The following SCTR variants were observed in gnomAD, a reference collection of about 807,000 sequenced individuals.
SCTR encodes secretin receptor.
In SCTR, 56 loss-of-function variants were observed where a neutral mutation model predicts 60.8. That is an observed-to-expected ratio of 0.92 (90% CI 0.74 to 1.15). The LOEUF is 1.15. SCTR is among the 50% of genes most tolerant of loss of function. SCTR has a pLI of 0.00. For missense variants in SCTR, 562 were observed against 550.4 expected (o/e 1.02, Z -0.21); for synonymous variants, 202 against 217.0 (o/e 0.93, Z 0.61).
At chr2:119,454,691 TAAAA>T (rs1330382104) in intron 7 of SCTR, among the ~76,000 whole-genome samples, 1 of 151,842 alleles carries the variant, frequency 6.6e-6, no homozygotes, top group South Asian at 2.1e-4. Context: ...CTGTCTCTAT[TAAAA>T]AAACAAAAAC....
chr2:119,441,794 G>C, intron 11 of SCTR, 195 bp from the exon 12 acceptor site: 1 of 577,922 alleles, frequency 1.7e-6, no homozygotes, highest in East Asian at 3.0e-5. Context: ...GGCTCATCCA[G>C]CATAAACTGT....
intron 7 of SCTR, 116 bp from the exon 8 acceptor site, chr2:119,453,463 G>C: frequency 1.3e-6 from 1 of 783,960 alleles, no homozygotes; most frequent in Non-Finnish European, 2.2e-6. Context: ...GCCAAGATTT[G>C]GTTTCCACAG....
chr2:119,519,871 A>G (rs1247143048), intron 1 of SCTR, among the ~76,000 whole-genome samples: 6 of 151,816 alleles, frequency 4.0e-5, no homozygotes, highest in African/African-American at 1.4e-4. Flanking sequence ...AGAAAAAAAA[A>G]CAAAAAAGAA....
In SCTR at chr2:119,473,462, G is replaced by A. The variant is rs367960301; in HGVS notation, c.396C>T (p.Asn132=). ...AGGTTGACAGGCTTACCCGCTTCTC[G>A]TTGGAAGAGTCGTTCACATTAACGC... ...ACGVNVNDSS[N]EKRHSYLLKL... The change falls in exon 4 of 13, where the codon AAC becomes AAT. Residue 132 remains asparagine, a synonymous_variant. Transcript: ENST00000019103. 36 of 1,611,810 alleles carry A rather than the reference G, an allele frequency of 2.2e-5. No homozygotes were observed. The East Asian group carries it at 3.1e-4, about 14-fold the overall frequency.
chr2:119,506,161 T>C (rs955734440), intron 1 of SCTR, among the ~76,000 whole-genome samples: 1 of 152,178 alleles, frequency 6.6e-6, no homozygotes, highest in Non-Finnish European at 1.5e-5. Flanking sequence ...TGGGCATTTA[T>C]CCCAGAGGAA....
At chr2:119,517,278 A>T (rs775612265) in intron 1 of SCTR, among the ~76,000 whole-genome samples, 1 of 151,520 alleles carries the variant, frequency 6.6e-6, no homozygotes, top group Admixed American at 6.6e-5. Context: ...TCCCGCCTCA[A>T]CCTCCTGGGT....
chr2:119,464,232 T>C lies in SCTR; in HGVS notation c.527A>G (p.Tyr176Cys). ...GGACACGAACAGGTGCATGTGGATG[T>C]AGTTGCGAGTGCAGTGGAGCCTCCT... Reference protein sequence around the residue: ...AFRRLHCTRNYIHMHLFVSFI... With the variant: ...AFRRLHCTRNCIHMHLFVSFI... Residue 176 changes from tyrosine (Y) to cysteine (C), a missense_variant, in exon 6 of 13, where the codon TAC becomes TGC. By Grantham distance (194) the Tyr-to-Cys change is radical. Coordinates refer to ENST00000019103, the MANE Select transcript of SCTR (RefSeq NM_002980.3). The C allele has an allele frequency of 3.7e-6, 6 of 1,614,112 alleles. No individual in the cohort carries two copies. Among genetic ancestry groups the C allele is most frequent in the South Asian group, 1.1e-5 (1 of 91,076 alleles).
chr2:119,451,628 G>A (rs1026240498), intron 9 of SCTR, among the ~76,000 whole-genome samples: 1 of 152,070 alleles, frequency 6.6e-6, no homozygotes, highest in African/African-American at 2.4e-5. Context: ...TCAGCTTAGC[G>A]ACTCATCCCA....
intron 11 of SCTR, among the ~76,000 whole-genome samples, chr2:119,445,829 C>G (rs568885766): frequency 4.2e-4 from 64 of 152,324 alleles, no homozygotes; most frequent in African/African-American, 1.5e-3. Flanking sequence ...ACTTATGACC[C>G]ATCTCTCCCT....
chr2:119,500,307 G>C (rs761563349), intron 1 of SCTR, among the ~76,000 whole-genome samples: 1 of 152,184 alleles, frequency 6.6e-6, no homozygotes, highest in Non-Finnish European at 1.5e-5. Context: ...ATGGAAAACA[G>C]TATGGAGGTT....
At chr2:119,498,092 G>A (rs1372965253) in intron 1 of SCTR, among the ~76,000 whole-genome samples, 2 of 151,950 alleles carry the variant, frequency 1.3e-5, no homozygotes, top group Non-Finnish European at 2.9e-5. Context: ...CATTATTTTT[G>A]AAAACTAAAG....
chr2:119,483,894 C>T (rs1677745189), intron 2 of SCTR, among the ~76,000 whole-genome samples: 1 of 152,074 alleles, frequency 6.6e-6, no homozygotes. Flanking sequence ...CTTGCACGGT[C>T]CCCAGGCTTT....
chr2:119,512,395 C>G (rs188762538), intron 1 of SCTR, among the ~76,000 whole-genome samples: 2 of 90,894 alleles, frequency 2.2e-5, no homozygotes, highest in African/African-American at 9.7e-5. Context: ...TTCTCCTTCT[C>G]CTTCTTCTTC....
At chr2:119,513,167 C>T (rs903320126) in intron 1 of SCTR, among the ~76,000 whole-genome samples, 1 of 152,242 alleles carries the variant, frequency 6.6e-6, no homozygotes, top group Admixed American at 6.5e-5. Flanking sequence ...ACAGTTTCTC[C>T]TCTGCCTGCT....
intron 11 of SCTR, among the ~76,000 whole-genome samples, chr2:119,444,194 C>CACATGTATATAT (rs1682772392): frequency 2.1e-5 from 3 of 141,886 alleles, no homozygotes; most frequent in African/African-American, 8.2e-5. Context: ...TGAATATATA[C>CACATGTATATAT]ACATATGTAT....
At chr2:119,462,733 C>A (rs370813707) in intron 6 of SCTR, among the ~76,000 whole-genome samples, 1 of 152,066 alleles carries the variant, frequency 6.6e-6, no homozygotes, top group Non-Finnish European at 1.5e-5. Context: ...GGACAGCTCC[C>A]GGGATAGCCG....
chr2:119,461,829 A>G lies in SCTR; in HGVS notation c.790+18T>C. On this transcript the variant is annotated intron_variant, in intron 7 of 12. Coordinates refer to ENST00000019103, the MANE Select transcript of SCTR (RefSeq NM_002980.3). ...TTCCCACATACCATGCAGATATCAG[A>G]CCCAGGGAGAAACATACCCCATCCG... 6.2e-7 allele frequency: 1 copy of G among 1,604,158 alleles called. No homozygotes were observed. The highest frequency in any genetic ancestry group is 8.5e-7 in the Non-Finnish European group (1 of 1,174,926).
intron 2 of SCTR, among the ~76,000 whole-genome samples, chr2:119,484,134 A>G (rs940846645): frequency 2.0e-5 from 3 of 152,082 alleles, no homozygotes; most frequent in Non-Finnish European, 4.4e-5. Context: ...AGCGGCATTC[A>G]TTGAGATAGG....
chr2:119,445,404 C>A (rs74440530), intron 11 of SCTR, among the ~76,000 whole-genome samples: 2 of 152,108 alleles, frequency 1.3e-5, no homozygotes, highest in African/African-American at 2.4e-5. Context: ...GGGGCACTGA[C>A]GGGTTACTGG....
Sources: gnomAD v4.1 joint callset for allele counts (sites outside exome capture counted in the v4.1 genomes callset) on GRCh38, gnomAD v4.1.1 for gene constraint, MANE v1.5 for transcripts, NCBI Gene and HGNC (gene_info 2026-07-23, HGNC 2026-07-21) for gene names.